Variants in ZNF701 observed in about 807,000 individuals in gnomAD.
ZNF701 encodes the protein zinc finger protein 701.
A neutral mutation model predicts 7.1 loss-of-function variants in ZNF701; 6 were observed. The observed-to-expected ratio is 0.84, with a 90% CI of 0.46 to 1.66. The LOEUF (loss-of-function observed/expected upper bound fraction) is 1.66. Among genes scored for constraint, ZNF701 ranks in the 40% most tolerant of loss-of-function variants. ZNF701 has a pLI of 0.01. For missense variants in ZNF701, 541 were observed against 559.2 expected (o/e 0.97, Z 0.33); for synonymous variants, 166 against 188.2 (o/e 0.88, Z 0.97).
rs1460756953 is a variant in ZNF701 at position 52,585,424 on chromosome 19, G to T, written c.*1967G>T. 1.3e-5 allele frequency: 2 copies of T among 152,126 alleles called. No individual in the cohort carries two copies. Among genetic ancestry groups the T allele is most frequent in the African/African-American group, 4.8e-5 (2 of 41,374 alleles). 9.4% of individuals were successfully genotyped at this position (152,126 alleles called of 1,614,324 possible). ...CTCGTGCCGGCCCTGCTTCTCCCCA[G>T]TTCCAACCCCAGGAAAACGTGCTTC... On this transcript the variant is annotated 3_prime_UTR_variant, in exon 4 of 4. Transcript: ENST00000391785.
the ZNF701 span, among the ~76,000 whole-genome samples, chr19:52,592,789 TA>T: frequency 2.1e-5 from 1 of 48,284 alleles, no homozygotes; most frequent in Non-Finnish European, 4.5e-5. Flanking sequence ...ATTTTATTTT[TA>T]TTTTTTTTAT....
In ZNF701 at chr19:52,582,664, T is replaced by C. The variant is rs1188166233; in HGVS notation, c.605T>C (p.Leu202Pro). ...AATAATTTCCTCCAGTCTTCATTAC[T>C]CACACAAAAACGGGAAGTACACACA... is the stretch of plus-strand genomic sequence containing the variant. ...YRNNFLQSSL[L>P]TQKREVHTRE... Residue 202 changes from leucine (L) to proline (P), a missense_variant, in exon 4 of 4, where the codon CTC becomes CCC. Transcript: ENST00000391785. 1 of 1,614,002 alleles carries C rather than the reference T, an allele frequency of 6.2e-7. No homozygotes were observed. Among genetic ancestry groups the C allele is most frequent in the African/African-American group, 1.3e-5 (1 of 74,914 alleles).
chr19:52,590,898 G>A (rs1402975359), downstream of ZNF701, among the ~76,000 whole-genome samples: 1 of 152,110 alleles, frequency 6.6e-6, no homozygotes, highest in African/African-American at 2.4e-5. Flanking sequence ...AAAGTGCAGT[G>A]GCGCCATCTA....
the ZNF701 span, chr19:52,595,920 C>G: frequency 6.2e-7 from 1 of 1,613,030 alleles, no homozygotes; most frequent in Non-Finnish European, 8.5e-7. Context: ...TCGCATCTGC[C>G]TGAACTCCAC....
At position 52,579,379 on chromosome 19, in the gene ZNF701, C is replaced by T. The variant is rs975525937; in HGVS notation, c.143-2823C>T. 4.3e-5 allele frequency among the ~76,000 whole-genome samples: 6 copies of T among 140,670 alleles called. 2 individuals are homozygous for T. The highest frequency in any genetic ancestry group is 1.9e-4 in the African/African-American group (6 of 31,750). 92.3% of individuals were successfully genotyped at this position (140,670 alleles called of 152,430 possible). On this transcript the variant is annotated intron_variant, in intron 3 of 3. Coordinates refer to ENST00000391785, the MANE Select transcript of ZNF701 (RefSeq NM_018260.3). Reference sequence around the variant, plus strand: ...TCTCTACTAAAAATACAAAATTAGCCGGGTGTGGTGGCGGGCACTTGTAAT... The same window carrying T: ...TCTCTACTAAAAATACAAAATTAGCTGGGTGTGGTGGCGGGCACTTGTAAT...
At chr19:52,577,772 G>A (rs373200579) in intron 3 of ZNF701, among the ~76,000 whole-genome samples, 7 of 152,004 alleles carry the variant, frequency 4.6e-5, no homozygotes, top group East Asian at 1.9e-4. Flanking sequence ...CCAGCTTCTC[G>A]TGGAAGGCTG....
rs1290525080 is a variant in ZNF701 at position 52,583,033 on chromosome 19, C to T, written c.974C>T (p.Pro325Leu). Residue 325 changes from proline to leucine, a missense_variant, in exon 4 of 4, where the codon CCT becomes CTT. Physicochemically the swap from Pro to Leu is moderately conservative, Grantham distance 98. Transcript: ENST00000391785. ...RHHRVHTGEKPYKCEECDKVF... is the reference protein window; with the variant it reads ...RHHRVHTGEKLYKCEECDKVF... Reference sequence around the variant, plus strand: ...CATAGAGTTCATACTGGAGAGAAACCTTACAAATGTGAAGAATGTGACAAA... The same window carrying T: ...CATAGAGTTCATACTGGAGAGAAACTTTACAAATGTGAAGAATGTGACAAA... 1.2e-6 allele frequency: 2 copies of T among 1,613,474 alleles called. No individual in the cohort carries two copies. The highest frequency in any genetic ancestry group is 2.7e-5 in the African/African-American group (2 of 74,742).
At chr19:52,576,550 AAAAC>A (rs1361753343) in intron 3 of ZNF701, among the ~76,000 whole-genome samples, 4 of 152,074 alleles carry the variant, frequency 2.6e-5, no homozygotes, top group Non-Finnish European at 5.9e-5. Flanking sequence ...AAAAAACAAA[AAAAC>A]AAAACCTTAT....
chr19:52,574,649 C>T (rs1240203995), intron 2 of ZNF701, among the ~76,000 whole-genome samples: 1 of 152,054 alleles, frequency 6.6e-6, no homozygotes, highest in Non-Finnish European at 1.5e-5. Context: ...GTGTTTCTGA[C>T]TCAAAAAATT....
intron 3 of ZNF701, among the ~76,000 whole-genome samples, chr19:52,576,790 C>T (rs1309018495): frequency 9.2e-5 from 14 of 152,076 alleles, no homozygotes; most frequent in Non-Finnish European, 1.6e-4. Flanking sequence ...AGCTCCAGCA[C>T]GTCTTAGTAC....
Position 52,580,176 on chromosome 19 carries a change from C to T in ZNF701, c.143-2026C>T, listed in dbSNP as rs139217695. Among the ~76,000 whole-genome samples, 245 of 146,060 alleles carry T rather than the reference C, an allele frequency of 1.7e-3. 13 individuals carry two copies. The East Asian group carries it at 0.036, about 21-fold the overall frequency. ...GCCAGGATGGTCTCAATCTCCTGAC[C>T]TTGTGATCCATCCACCTCGGCCTCC... On this transcript the variant is annotated intron_variant, in intron 3 of 3. Coordinates refer to ENST00000391785, the MANE Select transcript of ZNF701 (RefSeq NM_018260.3).
chr19:52,579,375 T>G (rs1357364627), intron 3 of ZNF701, among the ~76,000 whole-genome samples: 1 of 140,358 alleles, frequency 7.1e-6, no homozygotes, highest in Non-Finnish European at 1.5e-5. Context: ...AATACAAAAT[T>G]AGCCGGGTGT....
the ZNF701 span, chr19:52,597,559 G>A: frequency 1.4e-5 from 5 of 364,850 alleles, no homozygotes; most frequent in South Asian, 8.5e-5. Flanking sequence ...TAAGAAGATT[G>A]GGCCAGGTGG....
chr19:52,571,474 G>A (rs1600063779), intron 1 of ZNF701, among the ~76,000 whole-genome samples: 1 of 152,256 alleles, frequency 6.6e-6, no homozygotes, highest in East Asian at 1.9e-4. Context: ...CGAAGAATTG[G>A]GGAGAAGGAG....
chr19:52,586,385 C>T lies in ZNF701; in HGVS notation c.*2928C>T, dbSNP rs1042686701. On this transcript the variant is annotated 3_prime_UTR_variant, in exon 4 of 4. Transcript: ENST00000391785. Reference sequence around the variant, plus strand: ...AAAAAATGTATATGTAGACTGAACGCGGTGGCTCATGCCTGTCATCCCAGC... The same window carrying T: ...AAAAAATGTATATGTAGACTGAACGTGGTGGCTCATGCCTGTCATCCCAGC... 3.9e-5 allele frequency: 6 copies of T among 152,024 alleles called. No homozygotes were observed. The highest frequency in any genetic ancestry group is 5.9e-5 in the Non-Finnish European group (4 of 68,034). 9.4% of individuals were successfully genotyped at this position (152,024 alleles called of 1,614,324 possible).
chr19:52,573,943 T>C, intron 1 of ZNF701, 134 bp from the exon 2 acceptor site: 3 of 934,888 alleles, frequency 3.2e-6, no homozygotes, highest in Non-Finnish European at 4.7e-6. Context: ...TATAGAAATT[T>C]ATTATCCCTG....
rs983380936 is a variant in ZNF701, at chr19:52,584,902, G to C, written c.*1445G>C. ...TCCTCGGGGGTCTCCCCGCGGGTCT[G>C]GCTTCTGTACTGTGCTGATTGGCAC... On this transcript the variant is annotated 3_prime_UTR_variant, in exon 4 of 4. Coordinates refer to ENST00000391785, the MANE Select transcript of ZNF701 (RefSeq NM_018260.3). 6.6e-6 allele frequency: 1 copy of C among 152,206 alleles called. No homozygotes were observed. The highest frequency in any genetic ancestry group is 1.9e-4 in the East Asian group (1 of 5,164). The allele number at this position is 152,206 out of a possible 1,614,324, so 9.4% of individuals were successfully genotyped here.
Position 52,583,249 on chromosome 19 carries a change from T to C in ZNF701, c.1190T>C (p.Leu397Pro). 3 of 1,610,254 alleles carry C rather than the reference T, an allele frequency of 1.9e-6. No homozygotes were observed. The South Asian group carries it at 3.3e-5, about 18-fold the overall frequency. ...AAGACCTTTGTTCAAAATTCATCTC[T>C]TGTAATGCATAAGGTCATTCATACT... ...CGKTFVQNSS[L>P]VMHKVIHTGE... Residue 397 changes from leucine (L) to proline (P), a missense_variant, in exon 4 of 4, where the codon CTT (leucine) becomes CCT (proline). By Grantham distance (98) the Leu-to-Pro change is moderately conservative. Transcript: ENST00000391785.
At chr19:52,573,931 C>A in intron 1 of ZNF701, 146 bp from the exon 2 acceptor site, 2 of 896,506 alleles carry the variant, frequency 2.2e-6, no homozygotes, top group Non-Finnish European at 3.3e-6. Context: ...CGAGAGTTTT[C>A]TTATAGAAAT....
Sources: allele counts gnomAD v4.1 joint callset (sites outside exome capture counted in the v4.1 genomes callset), GRCh38; gene constraint gnomAD v4.1.1; transcripts MANE v1.5; gene names NCBI Gene and HGNC (gene_info 2026-07-23, HGNC 2026-07-21).